Variants in SFI1 observed in about 807,000 individuals in gnomAD.
SFI1 encodes protein SFI1 homolog.
SFI1 carries 195 observed loss-of-function variants against 207.5 expected under a neutral mutation model. The observed-to-expected ratio is 0.94, with a 90% CI of 0.84 to 1.06. The LOEUF (loss-of-function observed/expected upper bound fraction) is 1.06, where lower values mean the gene tolerates loss of function less well. SFI1 is among the 50% of genes least tolerant of loss of function. SFI1 has a pLI of 0.00. For synonymous variants in SFI1, 630 were observed against 598.9 expected (o/e 1.05, Z -0.76); for missense variants, 1,634 against 1,588.0 (o/e 1.03, Z -0.49).
chr22:31,510,693 C>G (rs2055365377), intron 2 of SFI1, among the ~76,000 whole-genome samples: 1 of 152,164 alleles, frequency 6.6e-6, no homozygotes, highest in African/African-American at 2.4e-5. Flanking sequence ...CTCGGCCTCC[C>G]AAAGTACTGG....
chr22:31,505,305 G>C (rs910785911), intron 1 of SFI1, among the ~76,000 whole-genome samples: 1 of 152,030 alleles, frequency 6.6e-6, no homozygotes, highest in African/African-American at 2.4e-5. Flanking sequence ...CAGTTGTGGT[G>C]GTGCATTCCT....
chr22:31,525,717 CATAGATAGATAGATAG>C (rs71722302), intron 2 of SFI1, among the ~76,000 whole-genome samples: 6,000 of 148,652 alleles, frequency 0.04, 150 homozygotes, highest in South Asian at 0.085. Flanking sequence ...CTCTGTCATT[CATAGATAGATAGATAG>C]ATAGATAGAT....
At chr22:31,500,003 AC>A (rs945911472) in intron 1 of SFI1, among the ~76,000 whole-genome samples, 6 of 148,982 alleles carry the variant, frequency 4.0e-5, no homozygotes, top group African/African-American at 7.4e-5. Context: ...AAAAAAAAAA[AC>A]ATTGAAAATG....
chr22:31,596,387 G>A (rs192401504), intron 15 of SFI1, among the ~76,000 whole-genome samples: 14 of 152,300 alleles, frequency 9.2e-5, no homozygotes, highest in Admixed American at 7.9e-4. Context: ...TGGTGGCCAC[G>A]GGAAATAGAG....
At chr22:31,499,230 T>C (rs1487930040) in intron 1 of SFI1, among the ~76,000 whole-genome samples, 1 of 151,800 alleles carries the variant, frequency 6.6e-6, no homozygotes, top group Admixed American at 6.6e-5. Flanking sequence ...GAACTCCTGG[T>C]CTCAAGCAGT....
At position 31,613,204 on chromosome 22, in the gene SFI1, G is replaced by A. The variant is rs557619523; in HGVS notation, c.2553G>A (p.Ser851=). 9 of 1,613,776 alleles carry A rather than the reference G, an allele frequency of 5.6e-6. No individual in the cohort carries two copies. The Admixed American group carries it at 6.7e-5, about 12-fold the overall frequency. ...TVRALWFWAF[S]LQAKVWATWL... Reference sequence around the variant, plus strand: ...GGGCCCTGTGGTTCTGGGCCTTCTCGCTGCAGGCAAAGGTAATTGGGGCTC... The same window carrying A: ...GGGCCCTGTGGTTCTGGGCCTTCTCACTGCAGGCAAAGGTAATTGGGGCTC... The change falls in exon 25 of 33, where the codon TCG becomes TCA. Residue 851 remains serine, a synonymous_variant. Transcript: ENST00000400288.
At chr22:31,540,822 A>G (rs1248025910) in intron 4 of SFI1, among the ~76,000 whole-genome samples, 1 of 151,908 alleles carries the variant, frequency 6.6e-6, no homozygotes, top group Non-Finnish European at 1.5e-5. Flanking sequence ...CAAGTGATCC[A>G]CCCACCTTGG....
At position 31,535,134 on chromosome 22, in the gene SFI1, C is replaced by T. The variant is rs1052093336; in HGVS notation, c.338+4005C>T. Reference sequence around the variant, plus strand: ...TGCCCAACTCAGCCTCCCAAAGTGCCGGGATTACAGGCATGAGCCACGGTG... The same window carrying T: ...TGCCCAACTCAGCCTCCCAAAGTGCTGGGATTACAGGCATGAGCCACGGTG... On this transcript the variant is annotated intron_variant, in intron 4 of 32. Coordinates refer to ENST00000400288, the MANE Select transcript of SFI1 (RefSeq NM_001007467.3). 6.0e-5 allele frequency among the ~76,000 whole-genome samples: 9 copies of T among 150,062 alleles called. No individual in the cohort carries two copies. The East Asian group carries it at 7.9e-4, about 13-fold the overall frequency.
intron 14 of SFI1, chr22:31,587,614 A>G (rs1304356319): frequency 6.4e-6 from 1 of 157,282 alleles, no homozygotes; most frequent in African/African-American, 2.4e-5. Flanking sequence ...CTGCTATACC[A>G]TTTTATATAA....
At chr22:31,528,417 C>T (rs376189749) in intron 2 of SFI1, among the ~76,000 whole-genome samples, 1 of 152,134 alleles carries the variant, frequency 6.6e-6, no homozygotes, top group South Asian at 2.1e-4. Flanking sequence ...GAGTAAGAAC[C>T]TGTCTCAAAC....
intron 11 of SFI1, 119 bp from the exon 12 acceptor site, chr22:31,580,153 G>C: frequency 1.4e-6 from 1 of 694,080 alleles, no homozygotes; most frequent in Non-Finnish European, 2.5e-6. Context: ...ACAGCTACAA[G>C]AAGCTGTGAC....
chr22:31,558,689 G>A lies in SFI1; in HGVS notation c.662+1630G>A, dbSNP rs188054007. ...AGGCAGGGTTTCACCATGTTGGCCA[G>A]CCTTGTCTCGAACTCCTGACCTCAT... On this transcript the variant is annotated intron_variant, in intron 7 of 32. Coordinates refer to ENST00000400288, the MANE Select transcript of SFI1 (RefSeq NM_001007467.3). Among the ~76,000 whole-genome samples the A allele has an allele frequency of 2.9e-3, 436 of 152,238 alleles. 1 individual carries two copies. Among genetic ancestry groups the A allele is most frequent in the African/African-American group, 0.01 (424 of 41,538 alleles).
At chr22:31,571,412 A>C (rs1200699646) in intron 8 of SFI1, among the ~76,000 whole-genome samples, 2 of 151,968 alleles carry the variant, frequency 1.3e-5, no homozygotes, top group South Asian at 2.1e-4. Flanking sequence ...TACCAGGCTC[A>C]AGCGATCCTC....
intron 13 of SFI1, among the ~76,000 whole-genome samples, chr22:31,584,799 T>C (rs2064805190): frequency 6.6e-6 from 1 of 152,000 alleles, no homozygotes; most frequent in African/African-American, 2.4e-5. Flanking sequence ...TTCACACATA[T>C]TTCCTAAATT....
intron 2 of SFI1, among the ~76,000 whole-genome samples, chr22:31,527,620 G>C (rs1195383193): frequency 6.6e-6 from 1 of 152,112 alleles, no homozygotes; most frequent in Non-Finnish European, 1.5e-5. Flanking sequence ...CTTTGTGTGT[G>C]TGTTTGTGTG....
At position 31,615,256 on chromosome 22, in the gene SFI1, T is replaced by C; in HGVS notation, c.3277T>C (p.Cys1093Arg). The change falls in exon 29 of 33, where the codon TGC (cysteine) becomes CGC (arginine). Residue 1093 changes from cysteine (C) to arginine (R), a missense_variant. Transcript: ENST00000400288. Reference protein sequence around the residue: ...LLLPLSSFMPCGAAAPARVSA... With the variant: ...LLLPLSSFMPRGAAAPARVSA... ...GCTGCCTCTTTCCTCCTTCATGCCC[T>C]GCGGGGCGGCTGCACCAGCCAGGGT... 1 of 1,508,336 alleles carries C rather than the reference T, an allele frequency of 6.6e-7. No homozygotes were observed. Among genetic ancestry groups the C allele is most frequent in the Non-Finnish European group, 8.8e-7 (1 of 1,135,782 alleles). The allele number at this position is 1,508,336 out of a possible 1,614,324, so 93.4% of individuals were successfully genotyped here.
chr22:31,593,777 C>T (rs981796922), intron 15 of SFI1, among the ~76,000 whole-genome samples: 3 of 150,598 alleles, frequency 2.0e-5, no homozygotes, highest in South Asian at 2.1e-4. Context: ...GTGGATCACT[C>T]GCGGTTAGGG....
intron 4 of SFI1, among the ~76,000 whole-genome samples, chr22:31,544,052 G>T (rs988956392): frequency 2.0e-5 from 3 of 152,056 alleles, no homozygotes; most frequent in Non-Finnish European, 2.9e-5. Context: ...AGCTCGTTTG[G>T]GTGGCGTGTG....
chr22:31,532,118 A>G (rs1312729165), intron 4 of SFI1, among the ~76,000 whole-genome samples: 4 of 152,144 alleles, frequency 2.6e-5, no homozygotes, highest in Non-Finnish European at 5.9e-5. Flanking sequence ...TAAGTAAATC[A>G]GGATAGATAA....
Sources: allele counts gnomAD v4.1 joint callset (sites outside exome capture counted in the v4.1 genomes callset), GRCh38; gene constraint gnomAD v4.1.1; transcripts MANE v1.5; gene names NCBI Gene and HGNC (gene_info 2026-07-23, HGNC 2026-07-21).